STPG2: variants seen among roughly 807,000 people sequenced by gnomAD.
STPG2 encodes sperm-tail PG-rich repeat-containing protein 2.
In STPG2, 56 loss-of-function variants were observed where a neutral mutation model predicts 54.2. The observed-to-expected ratio is 1.03, with a 90% CI of 0.83 to 1.29. STPG2 has a LOEUF of 1.29. STPG2 is among the 50% of genes most tolerant of loss of function. The pLI is 0.00. For missense variants in STPG2, 596 were observed against 544.9 expected, an observed-to-expected ratio of 1.09 and a Z score of -0.93; for synonymous variants, 200 against 181.8, an observed-to-expected ratio of 1.10 and a Z score of -0.81.
At chr4:97,879,042 C>G (rs1268668983) in intron 8 of STPG2, among the ~76,000 whole-genome samples, 6 of 152,196 alleles carry the variant, frequency 3.9e-5, no homozygotes, top group Admixed American at 3.9e-4. Flanking sequence ...CTGCCAGTCT[C>G]CTTGCTAAAA....
At position 97,725,226 on chromosome 4, in the gene STPG2, C is replaced by T. The variant is rs72879518; in HGVS notation, c.1205-12412G>A. Among the ~76,000 whole-genome samples the T allele has an allele frequency of 2.0e-3, 302 of 152,036 alleles. 2 individuals carry two copies. Among genetic ancestry groups the T allele is most frequent in the African/African-American group, 7.2e-3 (297 of 41,514 alleles). ...AATAATACATACATCCCTTCCTCTGCTAACCTACACAGAGTTGCAAGTCAG... is the reference window on the plus strand; with the variant it reads ...AATAATACATACATCCCTTCCTCTGTTAACCTACACAGAGTTGCAAGTCAG... On this transcript the variant is annotated intron_variant, in intron 9 of 10. Coordinates refer to ENST00000295268, the MANE Select transcript of STPG2 (RefSeq NM_174952.3).
intron 5 of STPG2, among the ~76,000 whole-genome samples, chr4:98,012,635 G>A (rs1370250968): frequency 1.3e-5 from 2 of 152,102 alleles, no homozygotes; most frequent in African/African-American, 4.8e-5. Flanking sequence ...TTGAGTGATG[G>A]TTTGTAGTTC....
At chr4:97,781,512 G>A (rs1408050987) in intron 9 of STPG2, among the ~76,000 whole-genome samples, 1 of 152,096 alleles carries the variant, frequency 6.6e-6, no homozygotes, top group Non-Finnish European at 1.5e-5. Context: ...ACAAGAAGGA[G>A]CTCATAACCA....
chr4:97,705,315 G>T (rs866672805), intron 10 of STPG2, among the ~76,000 whole-genome samples: 4 of 148,906 alleles, frequency 2.7e-5, no homozygotes, highest in South Asian at 4.2e-4. Context: ...TACTCCCTTT[G>T]TCTAACTTAG....
intron 4 of STPG2, among the ~76,000 whole-genome samples, chr4:97,533,451 T>C (rs567934715): frequency 2.0e-5 from 3 of 152,180 alleles, no homozygotes; most frequent in East Asian, 3.9e-4. Context: ...AGTTTATATA[T>C]AATAAAATAC....
At chr4:97,532,263 C>T (rs997729335) in intron 4 of STPG2, among the ~76,000 whole-genome samples, 1 of 151,980 alleles carries the variant, frequency 6.6e-6, no homozygotes, top group African/African-American at 2.4e-5. Context: ...TTATATACTT[C>T]AGATTTCTTA....
intron 3 of STPG2, among the ~76,000 whole-genome samples, chr4:98,111,779 G>A (rs915538422): frequency 2.0e-5 from 3 of 152,040 alleles, no homozygotes; most frequent in Admixed American, 1.3e-4. Flanking sequence ...ACCCAATGTC[G>A]TGGGCACCTT....
intron 4 of STPG2, among the ~76,000 whole-genome samples, chr4:97,535,365 A>G (rs538245907): frequency 6.6e-6 from 1 of 152,142 alleles, no homozygotes; most frequent in Non-Finnish European, 1.5e-5. Context: ...CTTTGTGTAA[A>G]TCTAAATTTC....
intron 7 of STPG2, among the ~76,000 whole-genome samples, chr4:97,944,999 CATT>C (rs1330446180): frequency 6.6e-6 from 1 of 152,100 alleles, no homozygotes; most frequent in Admixed American, 6.6e-5. Flanking sequence ...TCTAAGCCAG[CATT>C]ATTATTTTTG....
At chr4:97,939,203 A>G (rs1578711851) in intron 8 of STPG2, among the ~76,000 whole-genome samples, 1 of 152,072 alleles carries the variant, frequency 6.6e-6, no homozygotes, top group Non-Finnish European at 1.5e-5. Flanking sequence ...GTTCTCTTAC[A>G]TTTGTTGAAG....
intron 5 of STPG2, among the ~76,000 whole-genome samples, chr4:98,060,307 C>A (rs1737603738): frequency 6.6e-6 from 1 of 152,084 alleles, no homozygotes; most frequent in African/African-American, 2.4e-5. Flanking sequence ...GAAAGTCAAT[C>A]CCATTCAGAA....
intron 8 of STPG2, among the ~76,000 whole-genome samples, chr4:97,938,128 G>A (rs1436626518): frequency 6.6e-6 from 1 of 152,188 alleles, no homozygotes; most frequent in African/African-American, 2.4e-5. Context: ...CAGAGAGCAG[G>A]GATGGGTCAG....
chr4:97,880,770 G>T (rs1026349720), intron 8 of STPG2, among the ~76,000 whole-genome samples: 15 of 151,974 alleles, frequency 9.9e-5, no homozygotes, highest in Non-Finnish European at 1.6e-4. Context: ...CAAGGAGAAA[G>T]GGAATATACT....
intron 10 of STPG2, among the ~76,000 whole-genome samples, chr4:97,593,987 G>A (rs1230170607): frequency 1.3e-5 from 2 of 152,244 alleles, no homozygotes; most frequent in South Asian, 2.1e-4. Flanking sequence ...GAAGATAAAA[G>A]CATAAAGCCC....
chr4:98,023,154 A>G (rs947322374), intron 5 of STPG2, among the ~76,000 whole-genome samples: 3 of 151,886 alleles, frequency 2.0e-5, no homozygotes, highest in Non-Finnish European at 4.4e-5. Context: ...GGTTTCATCT[A>G]CTTTTGGTCT....
intron 10 of STPG2, among the ~76,000 whole-genome samples, chr4:97,589,085 A>T (rs922897491): frequency 2.5e-4 from 38 of 152,124 alleles, no homozygotes; most frequent in Non-Finnish European, 4.4e-4. Flanking sequence ...CGATGCAGTT[A>T]AAAACAGGTA....
intron 4 of STPG2, among the ~76,000 whole-genome samples, chr4:97,499,612 G>A (rs1730682492): frequency 6.6e-6 from 1 of 151,812 alleles, no homozygotes; most frequent in Non-Finnish European, 1.5e-5. Context: ...TATTTTAAAT[G>A]GTATGAAGAA....
chr4:97,699,719 T>A (rs1485598158), intron 10 of STPG2, among the ~76,000 whole-genome samples: 1 of 152,192 alleles, frequency 6.6e-6, no homozygotes. Flanking sequence ...TGCCTGCTTA[T>A]GATGCACAAC....
intron 9 of STPG2, among the ~76,000 whole-genome samples, chr4:97,759,428 C>A (rs1368112416): frequency 6.6e-6 from 1 of 152,020 alleles, no homozygotes; most frequent in African/African-American, 2.4e-5. Flanking sequence ...GAGTTAAATT[C>A]TATGTTTTAA....
Sources: allele counts gnomAD v4.1 joint callset (sites outside exome capture counted in the v4.1 genomes callset), GRCh38; gene constraint gnomAD v4.1.1; transcripts MANE v1.5; gene names NCBI Gene and HGNC (gene_info 2026-07-23, HGNC 2026-07-21).